Variants in SQSTM1 observed in about 807,000 individuals in gnomAD.
SQSTM1 encodes the protein sequestosome-1.
Under a neutral mutation model 45.1 loss-of-function variants are expected in SQSTM1, and 36 were observed. The observed-to-expected ratio is 0.80, with a 90% confidence interval of 0.61 to 1.05. SQSTM1 has a LOEUF of 1.05. Ranked by LOEUF, SQSTM1 falls within the 50% of genes least tolerant of loss-of-function variation. The probability of loss-of-function intolerance (pLI) is 0.00; values close to 1 mark genes in which losing one functional copy is unlikely to be tolerated. For missense variants in SQSTM1, 617 were observed against 607.1 expected (o/e 1.02, Z -0.17); for synonymous variants, 290 against 244.3 (o/e 1.19, Z -1.74).
At position 179,837,597 on chromosome 5, in the gene SQSTM1, G is replaced by A; in HGVS notation, c.*1004G>A. On this transcript the variant is annotated 3_prime_UTR_variant, in exon 8 of 8. Transcript: ENST00000389805. The stretch of plus-strand genomic sequence containing the variant: ...TGGACAGCGGCAGTGGGCCTGCTGA[G>A]GCCTTCTCTTGAGGCCTGTGCTCTG... The A allele has an allele frequency of 1.2e-6, 2 of 1,614,166 alleles. No individual in the cohort carries two copies. The highest frequency in any genetic ancestry group is 1.3e-5 in the African/African-American group (1 of 75,068).
At chr5:179,825,074 G>GA in intron 4 of SQSTM1, 72 bp from the exon 5 acceptor site, 2 of 1,499,916 alleles carry the variant, frequency 1.3e-6, no homozygotes, top group Admixed American at 3.4e-5. Context: ...ACCTTGGCAA[G>GA]AAGGTGACAG....
At chr5:179,831,433 A>G (rs1049707091) in intron 5 of SQSTM1, among the ~76,000 whole-genome samples, 12 of 152,182 alleles carry the variant, frequency 7.9e-5, no homozygotes, top group East Asian at 3.9e-4. Flanking sequence ...AGGCCAAGGC[A>G]GGCAGATCAC....
intron 1 of SQSTM1, chr5:179,808,444 GC>G (rs1318151415): frequency 6.6e-6 from 1 of 152,220 alleles, no homozygotes; most frequent in Non-Finnish European, 1.5e-5. Context: ...TCTATTTGTG[GC>G]AAAGGATAAT....
chr5:179,825,854 G>T lies in SQSTM1; in HGVS notation c.754+628G>T, dbSNP rs566385976. Among the ~76,000 whole-genome samples, 7 of 152,100 alleles carry T rather than the reference G, an allele frequency of 4.6e-5. No individual in the cohort carries two copies. The South Asian group carries it at 1.5e-3, about 32-fold the overall frequency. ...CTGGGCTTTAGAAAGTGCCTGTTGC[G>T]TCTGGCTAAGGGTCTCGGGTGGGTG... On this transcript the variant is annotated intron_variant, in intron 5 of 7. Coordinates refer to ENST00000389805, the MANE Select transcript of SQSTM1 (RefSeq NM_003900.5).
intron 1 of SQSTM1, among the ~76,000 whole-genome samples, chr5:179,811,074 C>G (rs1757380393): frequency 6.6e-6 from 1 of 152,032 alleles, no homozygotes; most frequent in African/African-American, 2.4e-5. Context: ...AACCCCGTCT[C>G]TACTAAAAAT....
chr5:179,806,701 C>A lies in SQSTM1; in HGVS notation c.-157+110C>A, dbSNP rs1426847862. On this transcript the variant is annotated intron_variant, in intron 1 of 5. Coordinates refer to the SQSTM1 transcript ENST00000514093. The surrounding 1 kb of genome is among the most constrained non-coding windows in gnomAD (Gnocchi z 4.6). ...GGCGGCAGGGGCCCCGGCCCCGGGT[C>A]GGGGAGGGGCGGGGGGCCCGGGGCC... is the stretch of plus-strand genomic sequence containing the variant. 4 of 94,580 alleles carry A rather than the reference C, an allele frequency of 4.2e-5. No homozygotes were observed. In the South Asian group the frequency reaches 1.2e-3, roughly 28 times the overall value. The allele number at this position is 94,580 out of a possible 1,614,324, so 5.9% of individuals were successfully genotyped here. A position where few individuals can be genotyped will look rare whatever the true frequency, so the allele number is the denominator to read the frequency against.
intron 5 of SQSTM1, among the ~76,000 whole-genome samples, chr5:179,828,277 C>T (rs568691963): frequency 6.6e-6 from 1 of 151,848 alleles, no homozygotes; most frequent in African/African-American, 2.4e-5. Context: ...AGGCGAGTCT[C>T]ATTACCCATT....
chr5:179,834,838 A>T (rs1384368828), intron 7 of SQSTM1, among the ~76,000 whole-genome samples: 9 of 152,326 alleles, frequency 5.9e-5, no homozygotes, highest in African/African-American at 2.2e-4. Flanking sequence ...CCGATTTCTC[A>T]ATCTTTTCCC....
rs1233451976 is a variant in SQSTM1 at position 179,821,124 on chromosome 5, T to A, written c.188T>A (p.Phe63Tyr). Residue 63 changes from phenylalanine to tyrosine, a missense_variant, in exon 1 of 8, where the codon TTC becomes TAC. Transcript: ENST00000389805. ...ALFPALRPGG[F>Y]QAHYRDEDGD... is the part of the protein sequence containing the mutation. ...TTCCCCGCGCTGCGGCCTGGCGGCTTCCAGGCGCACTACCGCGGTGAGCGG... is the reference window on the plus strand; with the variant it reads ...TTCCCCGCGCTGCGGCCTGGCGGCTACCAGGCGCACTACCGCGGTGAGCGG... 1 of 1,372,796 alleles carries A rather than the reference T, an allele frequency of 7.3e-7. No individual in the cohort carries two copies. Among genetic ancestry groups the A allele is most frequent in the African/African-American group, 1.5e-5 (1 of 65,708 alleles). The allele number at this position is 1,372,796 out of a possible 1,614,324, so 85.0% of individuals were successfully genotyped here.
chr5:179,836,801 C>T lies in SQSTM1; in HGVS notation c.*208C>T. The T allele has an allele frequency of 1.3e-6, 1 of 789,588 alleles. No individual in the cohort carries two copies. The highest frequency in any genetic ancestry group is 2.1e-6 in the Non-Finnish European group (1 of 480,276). 48.9% of individuals were successfully genotyped at this position (789,588 alleles called of 1,614,324 possible). On this transcript the variant is annotated 3_prime_UTR_variant, in exon 8 of 8. Transcript: ENST00000389805. ...TGTGTGCTGATGTTTCCTGGGTGCC[C>T]TGGCTCCTTGCAGCAGGGCTGGGCC...
At chr5:179,822,927 G>C in intron 1 of SQSTM1, 31 bp from the exon 2 acceptor site, 1 of 1,599,390 alleles carries the variant, frequency 6.3e-7, no homozygotes, top group Non-Finnish European at 8.6e-7. Context: ...GAACCCCTGG[G>C]TGCTCACGTG....
chr5:179,820,245 A>T (rs1422386899), upstream of SQSTM1: 1 of 152,390 alleles, frequency 6.6e-6, no homozygotes, highest in Non-Finnish European at 1.5e-5. Context: ...GCGACCACTG[A>T]CACTCAGGAG....
intron 1 of SQSTM1, 88 bp from the exon 2 acceptor site, chr5:179,822,870 C>T (rs1454249732): frequency 1.2e-5 from 13 of 1,090,716 alleles, no homozygotes; most frequent in Non-Finnish European, 1.7e-5. Flanking sequence ...TGTGAGTGTC[C>T]CTTTCATACT....
At chr5:179,830,933 G>A (rs1025206288) in intron 5 of SQSTM1, among the ~76,000 whole-genome samples, 1 of 152,026 alleles carries the variant, frequency 6.6e-6, no homozygotes, top group Non-Finnish European at 1.5e-5. Context: ...GAACTCCTGG[G>A]CTCAAGAGAT....
At chr5:179,822,745 T>C (rs1397648083) in intron 1 of SQSTM1, 9 of 627,184 alleles carry the variant, frequency 1.4e-5, no homozygotes, top group Non-Finnish European at 2.6e-5. Flanking sequence ...CATGTGGCTG[T>C]GGTCCAGGGC....
chr5:179,836,778 T>TGG lies in SQSTM1; in HGVS notation c.*186_*187insGG, dbSNP rs989864881. ...TGAAGGGAGGGTCCCTGTGTGTGTGTGTGCTGATGTTTCCTGGGTGCCCTG... is the reference window on the plus strand; with the variant it reads ...TGAAGGGAGGGTCCCTGTGTGTGTGTGGGTGCTGATGTTTCCTGGGTGCCCTG... On this transcript the variant is annotated 3_prime_UTR_variant, in exon 8 of 8. Coordinates refer to ENST00000389805, the MANE Select transcript of SQSTM1 (RefSeq NM_003900.5). The TGG allele has an allele frequency of 1.1e-6, 1 of 893,574 alleles. No individual in the cohort carries two copies. Among genetic ancestry groups the TGG allele is most frequent in the Non-Finnish European group, 1.8e-6 (1 of 563,578 alleles). The allele number at this position is 893,574 out of a possible 1,614,324, so 55.4% of individuals were successfully genotyped here.
intron 5 of SQSTM1, among the ~76,000 whole-genome samples, chr5:179,828,743 A>C (rs1758101582): frequency 6.6e-6 from 1 of 152,188 alleles, no homozygotes; most frequent in Non-Finnish European, 1.5e-5. Flanking sequence ...TTACAGATGG[A>C]GGTACTTGTA....
At chr5:179,831,949 G>T (rs1411264638) in intron 5 of SQSTM1, among the ~76,000 whole-genome samples, 2 of 151,898 alleles carry the variant, frequency 1.3e-5, no homozygotes, top group South Asian at 4.2e-4. Context: ...ACGCCCAGCT[G>T]ATTTTTTGTA....
At position 179,821,020 on chromosome 5, in the gene SQSTM1, C is replaced by G; in HGVS notation, c.84C>G (p.Ser28Arg). The part of the protein sequence containing the change: ...REIRRFSFCC[S>R]PEPEAEAEAA... The stretch of plus-strand genomic sequence containing the variant: ...TTCGCCGCTTCAGCTTCTGCTGCAG[C>G]CCCGAGCCTGAGGCGGAAGCCGAGG... Residue 28 changes from serine (S) to arginine (R), a missense_variant, in exon 1 of 8, where the codon AGC (serine) becomes AGG (arginine). Coordinates refer to ENST00000389805, the MANE Select transcript of SQSTM1 (RefSeq NM_003900.5). The G allele has an allele frequency of 6.4e-6, 10 of 1,565,938 alleles. No homozygotes were observed. Among genetic ancestry groups the G allele is most frequent in the Non-Finnish European group, 7.7e-6 (9 of 1,165,700 alleles).
Sources: allele counts gnomAD v4.1 joint callset (sites outside exome capture counted in the v4.1 genomes callset), GRCh38; gene constraint gnomAD v4.1.1; non-coding constraint Gnocchi (gnomAD v3.1); transcripts MANE v1.5; gene names NCBI Gene and HGNC (gene_info 2026-07-23, HGNC 2026-07-21).